BRCA1: variants seen among roughly 807,000 people sequenced by gnomAD.
BRCA1 encodes BRCA1 DNA repair associated.
Under a neutral mutation model 173.7 loss-of-function variants are expected in BRCA1, and 140 were observed. The observed-to-expected ratio is 0.81, with a 90% confidence interval of 0.70 to 0.93. BRCA1 has a LOEUF of 0.93. BRCA1 is among the 40% of genes least tolerant of loss of function. BRCA1 has a pLI of 0.00. For missense variants in BRCA1, 1,983 were observed against 2,172.5 expected, an observed-to-expected ratio of 0.91 and a Z score of 1.73; for synonymous variants, 662 against 756.0, an observed-to-expected ratio of 0.88 and a Z score of 2.04.
chr17:43,083,267 C>T (rs945695848), intron 11 of BRCA1, among the ~76,000 whole-genome samples: 3 of 151,662 alleles, frequency 2.0e-5, no homozygotes, highest in Admixed American at 2.0e-4. Context: ...GCGATTCTCC[C>T]ACCTCAGCCT....
chr17:43,132,399 A>C (rs1020264413), intron 1 of BRCA1, among the ~76,000 whole-genome samples: 1 of 152,100 alleles, frequency 6.6e-6, no homozygotes, highest in Non-Finnish European at 1.5e-5. Context: ...CCAGCAAATA[A>C]TATGGGATAG....
intron 1 of BRCA1, chr17:43,164,638 G>C (rs1007508391): frequency 2.6e-5 from 4 of 152,152 alleles, no homozygotes; most frequent in Non-Finnish European, 5.9e-5. Flanking sequence ...GACTCTGGAG[G>C]GGGTGGCACT....
chr17:43,050,981 C>T (rs2153043044), intron 20 of BRCA1, 82 bp downstream of exon 20: 1 of 1,356,760 alleles, frequency 7.4e-7, no homozygotes, highest in Non-Finnish European at 1.1e-6. Context: ...GAGGAACCCC[C>T]ATCGTGGGAT....
chr17:43,082,771 T>G, intron 11 of BRCA1, 196 bp from the exon 12 acceptor site: 2 of 632,254 alleles, frequency 3.2e-6, no homozygotes, highest in South Asian at 4.0e-5. Context: ...CCAAATGATG[T>G]TAGTGAGGGA....
chr17:43,082,706 C>A (rs2053078898), intron 11 of BRCA1, 131 bp from the exon 12 acceptor site: 1 of 966,926 alleles, frequency 1.0e-6, no homozygotes, highest in African/African-American at 1.6e-5. Context: ...CAAGTTCTAG[C>A]TGAACACCTT....
intron 18 of BRCA1, among the ~76,000 whole-genome samples, chr17:43,057,709 G>A (rs1248693832): frequency 1.8e-4 from 26 of 147,838 alleles, no homozygotes; most frequent in African/African-American, 5.7e-4. Context: ...AGTGGCAGGC[G>A]CCTGTAGTCC....
chr17:43,099,575 T>G (rs991214275), intron 7 of BRCA1, among the ~76,000 whole-genome samples, 200 bp downstream of exon 7: 1 of 152,084 alleles, frequency 6.6e-6, no homozygotes, highest in Non-Finnish European at 1.5e-5. Context: ...CTGGCCTCTT[T>G]TGCTCCCTTT....
At chr17:43,169,413 C>T (rs1306290594) in intron 1 of BRCA1, among the ~76,000 whole-genome samples, 9 of 152,188 alleles carry the variant, frequency 5.9e-5, no homozygotes, top group Admixed American at 5.9e-4. Context: ...GTGATCCATC[C>T]GCCTTGGCCT....
chr17:43,106,365 A>G (rs2054761352), intron 4 of BRCA1, 91 bp downstream of exon 4: 4 of 812,610 alleles, frequency 4.9e-6, no homozygotes, highest in Non-Finnish European at 7.9e-6. Context: ...TTTCTGATGA[A>G]TGGTTTTATA....
At chr17:43,046,222 CTTTTTTTTTT>C (rs71157698) in intron 22 of BRCA1, among the ~76,000 whole-genome samples, 2 of 68,348 alleles carry the variant, frequency 2.9e-5, no homozygotes, top group African/African-American at 7.4e-5. Flanking sequence ...TGCACCTGGC[CTTTTTTTTTT>C]TTTTTTTTTT....
rs2152255627 is a variant in BRCA1 at position 43,044,741 on chromosome 17, C to A, written c.*937G>T. The A allele has an allele frequency of 2.0e-6, 1 of 495,604 alleles. No individual in the cohort carries two copies. The highest frequency in any genetic ancestry group is 4.6e-5 in the East Asian group (1 of 21,614). 30.7% of individuals were successfully genotyped at this position (495,604 alleles called of 1,614,324 possible). A position where few individuals can be genotyped will look rare whatever the true frequency, so the allele number is the denominator to read the frequency against. On this transcript the variant is annotated 3_prime_UTR_variant, in exon 23 of 23. Transcript: ENST00000357654. ...GAAAATCTTCTGCTGTTTTAGAACA[C>A]ATTCTTTAGAAATCTAGCAAATATA... is the stretch of plus-strand genomic sequence containing the variant.
At chr17:43,100,607 A>T (rs1439439935) in intron 6 of BRCA1, among the ~76,000 whole-genome samples, 9 of 86,988 alleles carry the variant, frequency 1.0e-4, no homozygotes, top group Non-Finnish European at 1.3e-4. Flanking sequence ...ATATATATAT[A>T]ACATATATAT....
At chr17:43,100,632 T>TATATA (rs1555595276) in intron 6 of BRCA1, among the ~76,000 whole-genome samples, 1 of 43,210 alleles carries the variant, frequency 2.3e-5, no homozygotes, top group Non-Finnish European at 3.4e-5. Context: ...TATATATATG[T>TATATA]TATATATATA....
In BRCA1 at chr17:43,060,047, A is replaced by G. The variant is rs189676688; in HGVS notation, c.5194-2912T>C. On this transcript the variant is annotated intron_variant, in intron 18 of 22. Transcript: ENST00000357654. The stretch of plus-strand genomic sequence containing the variant: ...CAGCCTCCCAAGTAGCTGTGATTAC[A>G]GGCACATGCCACCATTCCCAGCTAA... 2.0e-3 allele frequency among the ~76,000 whole-genome samples: 301 copies of G among 152,192 alleles called. 3 individuals carry two copies. Among genetic ancestry groups the G allele is most frequent in the Middle Eastern group, 6.8e-3 (2 of 294 alleles).
rs59541324 is a variant in BRCA1 at position 43,044,804 on chromosome 17, CTTTTTTTTTT to C, written c.*864_*873del. The C allele has an allele frequency of 7.9e-6, 3 of 380,208 alleles. No individual in the cohort carries two copies. Among genetic ancestry groups the C allele is most frequent in the South Asian group, 1.9e-5 (1 of 51,770 alleles). 23.6% of individuals were successfully genotyped at this position (380,208 alleles called of 1,614,324 possible). A position where few individuals can be genotyped will look rare whatever the true frequency, so the allele number is the denominator to read the frequency against. On this transcript the variant is annotated 3_prime_UTR_variant, in exon 23 of 23. Transcript: ENST00000357654. ...AGAAATCTCTTCTAGTTTCATTTTC[CTTTTTTTTTT>C]TTTTTTTTTGAGCCACAGTCTCACT... is the stretch of plus-strand genomic sequence containing the variant.
intron 11 of BRCA1, 114 bp from the exon 12 acceptor site, chr17:43,082,689 G>T: frequency 8.8e-7 from 1 of 1,130,410 alleles, no homozygotes; most frequent in Non-Finnish European, 1.3e-6. Context: ...CACCTAGTAT[G>T]GAACTACAAG....
At chr17:43,050,727 AGAG>A (rs1344822707) in intron 20 of BRCA1, among the ~76,000 whole-genome samples, 2 of 151,936 alleles carry the variant, frequency 1.3e-5, no homozygotes, top group African/African-American at 2.4e-5. Context: ...TGGTTTAGGA[AGAG>A]GAGAACTCCT....
chr17:43,111,237 T>G (rs1477366366), intron 3 of BRCA1, among the ~76,000 whole-genome samples: 3 of 151,340 alleles, frequency 2.0e-5, no homozygotes, highest in Non-Finnish European at 4.4e-5. Flanking sequence ...ATTTCAGAAC[T>G]GGCTGGGCAA....
At chr17:43,119,598 T>C (rs1402845923) in intron 2 of BRCA1, among the ~76,000 whole-genome samples, 1 of 152,210 alleles carries the variant, frequency 6.6e-6, no homozygotes, top group Non-Finnish European at 1.5e-5. Context: ...GGAAAAATGC[T>C]TCACAACCTG....
Sources: gnomAD v4.1 joint callset for allele counts (sites outside exome capture counted in the v4.1 genomes callset) on GRCh38, gnomAD v4.1.1 for gene constraint, MANE v1.5 for transcripts, NCBI Gene and HGNC (gene_info 2026-07-23, HGNC 2026-07-21) for gene names.